The following TMEM132D variants were observed in gnomAD, a reference collection of about 807,000 sequenced individuals.
The protein encoded by TMEM132D is mature OL transmembrane protein.
A neutral mutation model predicts 62.3 loss-of-function variants in TMEM132D; 21 were observed. That is an observed-to-expected ratio of 0.34 (90% confidence interval 0.24 to 0.49). The LOEUF (loss-of-function observed/expected upper bound fraction) is 0.49. TMEM132D is among the 20% of genes least tolerant of loss of function. The probability of loss-of-function intolerance (pLI) is 0.99; values close to 1 mark genes in which losing one functional copy is unlikely to be tolerated. For missense variants in TMEM132D, 1,346 were observed against 1,402.8 expected (o/e 0.96, Z 0.65); for synonymous variants, 621 against 575.6 (o/e 1.08, Z -1.13).
intron 1 of TMEM132D, among the ~76,000 whole-genome samples, chr12:129,787,404 A>G (rs1168887001): frequency 6.6e-6 from 1 of 152,114 alleles, no homozygotes; most frequent in Non-Finnish European, 1.5e-5. Context: ...AAGCTTTGTG[A>G]CCCTGAGGAT....
chr12:129,188,776 A>G (rs12227957), intron 5 of TMEM132D, among the ~76,000 whole-genome samples: 6 of 39,286 alleles, frequency 1.5e-4, no homozygotes, highest in South Asian at 8.4e-4. Context: ...AGAGAGAGAG[A>G]GAGAGAGAGA....
intron 7 of TMEM132D, among the ~76,000 whole-genome samples, chr12:129,081,372 C>A (rs59670993): frequency 2.0e-5 from 3 of 152,236 alleles, no homozygotes; most frequent in Admixed American, 6.5e-5. Flanking sequence ...GATCTCAGAT[C>A]GCTGCAACCT....
chr12:129,319,164 T>A (rs1477427104), intron 4 of TMEM132D, among the ~76,000 whole-genome samples: 1 of 152,302 alleles, frequency 6.6e-6, no homozygotes, highest in Non-Finnish European at 1.5e-5. Context: ...AGCTAAAGAA[T>A]TCCTTCTCCA....
chr12:129,720,306 C>A (rs1021393170), intron 1 of TMEM132D, among the ~76,000 whole-genome samples: 2 of 152,118 alleles, frequency 1.3e-5, no homozygotes, highest in African/African-American at 4.8e-5. Context: ...AAGAAATTCA[C>A]GGAGAGGCAG....
At chr12:129,810,569 C>T (rs1400966561) in intron 1 of TMEM132D, among the ~76,000 whole-genome samples, 3 of 16,908 alleles carry the variant, frequency 1.8e-4, no homozygotes, top group African/African-American at 3.4e-4. Flanking sequence ...CACACACACA[C>T]ACACCCCCCC....
chr12:129,797,389 T>G (rs1293960206), intron 1 of TMEM132D, among the ~76,000 whole-genome samples: 1 of 152,224 alleles, frequency 6.6e-6, no homozygotes, highest in Non-Finnish European at 1.5e-5. Flanking sequence ...ACATATGCCA[T>G]GTAACGTTCA....
At chr12:129,103,987 A>G (rs991667397) in intron 5 of TMEM132D, among the ~76,000 whole-genome samples, 1 of 152,156 alleles carries the variant, frequency 6.6e-6, no homozygotes. Flanking sequence ...TACAGATTCA[A>G]TGCCATCCCC....
intron 4 of TMEM132D, among the ~76,000 whole-genome samples, chr12:129,275,322 CAA>C (rs1394447559): frequency 6.6e-6 from 1 of 152,150 alleles, no homozygotes; most frequent in South Asian, 2.1e-4. Flanking sequence ...AAAAATAACT[CAA>C]GTCTATTTAA....
At chr12:129,458,557 G>A (rs1593018421) in intron 3 of TMEM132D, among the ~76,000 whole-genome samples, 1 of 152,144 alleles carries the variant, frequency 6.6e-6, no homozygotes, top group Admixed American at 6.6e-5. Context: ...ATTACACAGT[G>A]AGACTGTGGG....
chr12:129,833,228 C>T (rs752137501), intron 1 of TMEM132D, among the ~76,000 whole-genome samples: 2 of 152,192 alleles, frequency 1.3e-5, no homozygotes, highest in Non-Finnish European at 2.9e-5. Context: ...ATGCAGGCCT[C>T]AAGTAAGCTA....
chr12:129,812,458 T>G (rs576609528), intron 1 of TMEM132D, among the ~76,000 whole-genome samples: 1 of 151,826 alleles, frequency 6.6e-6, no homozygotes, highest in Non-Finnish European at 1.5e-5. Context: ...TTTAATACTC[T>G]GCCATTGTTC....
chr12:129,813,737 G>T (rs544494035), intron 1 of TMEM132D, among the ~76,000 whole-genome samples: 5 of 151,754 alleles, frequency 3.3e-5, no homozygotes, highest in South Asian at 2.1e-4. Flanking sequence ...ACAAGACATA[G>T]GTATTTGTCA....
intron 4 of TMEM132D, among the ~76,000 whole-genome samples, chr12:129,320,887 C>T (rs768559548): frequency 4.0e-5 from 6 of 151,862 alleles, no homozygotes; most frequent in Non-Finnish European, 5.9e-5. Flanking sequence ...TAAGGACATG[C>T]GAAAGAGGAG....
chr12:129,134,172 GTGTGTGTC>G (rs1214927275), intron 5 of TMEM132D, among the ~76,000 whole-genome samples: 15 of 151,250 alleles, frequency 9.9e-5, no homozygotes, highest in East Asian at 7.8e-4. Flanking sequence ...GTGTCTGTGT[GTGTGTGTC>G]TGTGTGTCTG....
intron 5 of TMEM132D, among the ~76,000 whole-genome samples, chr12:129,134,109 CTGTGTGTTGTG>C (rs1294602399): frequency 2.1e-5 from 2 of 93,672 alleles, no homozygotes; most frequent in Non-Finnish European, 4.6e-5. Flanking sequence ...TGTTGTGTGT[CTGTGTGTTGTG>C]TGTGTGTGTG....
At chr12:129,188,624 T>A (rs1318468397) in intron 5 of TMEM132D, among the ~76,000 whole-genome samples, 1 of 152,046 alleles carries the variant, frequency 6.6e-6, no homozygotes, top group Non-Finnish European at 1.5e-5. Context: ...ATACTAGCTG[T>A]CAGGCACAGG....
At chr12:129,449,618 C>T (rs570196599) in intron 3 of TMEM132D, among the ~76,000 whole-genome samples, 1 of 152,300 alleles carries the variant, frequency 6.6e-6, no homozygotes, top group African/African-American at 2.4e-5. Flanking sequence ...GTATCGACCA[C>T]CAAATCATAC....
intron 1 of TMEM132D, among the ~76,000 whole-genome samples, chr12:129,764,624 A>C (rs1484853794): frequency 6.6e-6 from 1 of 152,126 alleles, no homozygotes; most frequent in Non-Finnish European, 1.5e-5. Context: ...ATGTGATTAG[A>C]AAACTCTGTT....
chr12:129,788,912 C>A (rs1282704671), intron 1 of TMEM132D, among the ~76,000 whole-genome samples: 1 of 151,854 alleles, frequency 6.6e-6, no homozygotes, highest in Non-Finnish European at 1.5e-5. Flanking sequence ...CAGGGGAGGG[C>A]AATGAGGCAG....
Sources: gnomAD v4.1 joint callset for allele counts (sites outside exome capture counted in the v4.1 genomes callset) on GRCh38, gnomAD v4.1.1 for gene constraint, MANE v1.5 for transcripts, NCBI Gene and HGNC (gene_info 2026-07-23, HGNC 2026-07-21) for gene names.